Variants in KCNAB1 observed in about 807,000 individuals in gnomAD.
KCNAB1 encodes the protein potassium voltage-gated channel subfamily A regulatory beta subunit 1.
In KCNAB1, 35 loss-of-function variants were observed where a neutral mutation model predicts 64.6. The ratio of observed to expected loss-of-function variants is 0.54; its 90% CI spans 0.41 to 0.72. The LOEUF is 0.72. Ranked by LOEUF, KCNAB1 falls within the 30% of genes least tolerant of loss-of-function variation. KCNAB1 has a pLI of 0.00. For synonymous variants in KCNAB1, 177 were observed against 183.8 expected, an observed-to-expected ratio of 0.96 and a Z score of 0.30; for missense variants, 401 against 512.9, an observed-to-expected ratio of 0.78 and a Z score of 2.11.
intron 1 of KCNAB1, among the ~76,000 whole-genome samples, chr3:156,353,918 T>C (rs1045942756): frequency 2.2e-4 from 33 of 151,940 alleles, no homozygotes; most frequent in Admixed American, 2.0e-4. Flanking sequence ...AAAAATATCT[T>C]AAACAAATTG....
chr3:156,419,935 G>A (rs925207254), intron 1 of KCNAB1, among the ~76,000 whole-genome samples: 1 of 152,172 alleles, frequency 6.6e-6, no homozygotes, highest in Non-Finnish European at 1.5e-5. Flanking sequence ...AAAAGTCTTT[G>A]TACATCTATT....
intron 1 of KCNAB1, among the ~76,000 whole-genome samples, chr3:156,179,084 T>G (rs186937125): frequency 4.7e-4 from 71 of 152,042 alleles, no homozygotes; most frequent in Middle Eastern, 3.4e-3. Context: ...ACTCCAGTGA[T>G]TCTTTGAGAA....
At chr3:156,139,919 C>T (rs993455595) in intron 1 of KCNAB1, among the ~76,000 whole-genome samples, 2 of 152,104 alleles carry the variant, frequency 1.3e-5, no homozygotes, top group Non-Finnish European at 2.9e-5. Context: ...TACTCTGGAA[C>T]AGCATATTAT....
At chr3:156,334,506 T>C (rs1265698760) in intron 1 of KCNAB1, among the ~76,000 whole-genome samples, 2 of 152,168 alleles carry the variant, frequency 1.3e-5, no homozygotes, top group African/African-American at 4.8e-5. Flanking sequence ...TGTGATGAGT[T>C]GTTTTATCTC....
intron 1 of KCNAB1, chr3:156,175,733 C>T (rs1036329905): frequency 1.8e-6 from 1 of 547,428 alleles, no homozygotes; most frequent in Non-Finnish European, 3.5e-6. Context: ...AATATGGCCA[C>T]CACCTCCTCT....
chr3:156,281,585 C>T (rs542914354), intron 1 of KCNAB1, among the ~76,000 whole-genome samples: 92 of 152,240 alleles, frequency 6.0e-4, no homozygotes, highest in African/African-American at 2.1e-3. Flanking sequence ...GCTGTGAGTC[C>T]ATCTGGTCCT....
intron 1 of KCNAB1, among the ~76,000 whole-genome samples, chr3:156,201,608 C>T (rs1714334731): frequency 1.3e-5 from 2 of 152,220 alleles, no homozygotes; most frequent in African/African-American, 4.8e-5. Context: ...GCAGGGCTGG[C>T]AGGCTCCATG....
At chr3:156,275,704 A>G (rs1719299428) in intron 1 of KCNAB1, among the ~76,000 whole-genome samples, 1 of 152,202 alleles carries the variant, frequency 6.6e-6, no homozygotes, top group Admixed American at 6.5e-5. Context: ...TTGCTCATTC[A>G]TAAGAAACAA....
At chr3:156,161,782 G>A (rs1194416277) in intron 1 of KCNAB1, among the ~76,000 whole-genome samples, 1 of 152,124 alleles carries the variant, frequency 6.6e-6, no homozygotes, top group African/African-American at 2.4e-5. Flanking sequence ...TTAAGTATGT[G>A]AGCTCAGATG....
intron 1 of KCNAB1, among the ~76,000 whole-genome samples, chr3:156,222,978 C>CTAA (rs1715878132): frequency 6.6e-6 from 1 of 152,208 alleles, no homozygotes; most frequent in Non-Finnish European, 1.5e-5. Context: ...ATCAACAAGT[C>CTAA]TAAAAGAGCA....
In KCNAB1 at chr3:156,232,942, G is replaced by A. The variant is rs570465248; in HGVS notation, c.275+112056G>A. Among the ~76,000 whole-genome samples, 3 of 152,076 alleles carry A rather than the reference G, an allele frequency of 2.0e-5. No homozygotes were observed. In the East Asian group the frequency reaches 5.8e-4, roughly 29 times the overall value. On this transcript the variant is annotated intron_variant, in intron 1 of 13. Coordinates refer to ENST00000490337, the MANE Select transcript of KCNAB1 (RefSeq NM_172160.3). The stretch of plus-strand genomic sequence containing the variant: ...TTCTGAATTCCTTTCCTTGAGCTAA[G>A]AGGCCGTGTGGATTATGATACCTTG...
chr3:156,494,854 A>C (rs1188358871), intron 8 of KCNAB1, among the ~76,000 whole-genome samples: 2 of 152,090 alleles, frequency 1.3e-5, no homozygotes, highest in Non-Finnish European at 2.9e-5. Flanking sequence ...CAAGTTTGCC[A>C]ATTTTTTTCT....
intron 8 of KCNAB1, among the ~76,000 whole-genome samples, chr3:156,493,727 C>T (rs1217861487): frequency 6.6e-6 from 1 of 152,068 alleles, no homozygotes; most frequent in Non-Finnish European, 1.5e-5. Flanking sequence ...CAGGCTTTGT[C>T]TTTATAATTT....
At chr3:156,257,267 T>C (rs1402270986) in intron 1 of KCNAB1, among the ~76,000 whole-genome samples, 1 of 152,184 alleles carries the variant, frequency 6.6e-6, no homozygotes, top group Non-Finnish European at 1.5e-5. Context: ...CTCCAGACTT[T>C]AGTGAGACAA....
At chr3:156,510,389 A>G (rs1257902065) in intron 8 of KCNAB1, among the ~76,000 whole-genome samples, 2 of 151,720 alleles carry the variant, frequency 1.3e-5, no homozygotes, top group African/African-American at 4.8e-5. Flanking sequence ...TGTCCTTCTT[A>G]CCTCTAGGGG....
chr3:156,399,682 A>C (rs190821118), intron 1 of KCNAB1, among the ~76,000 whole-genome samples: 56 of 152,220 alleles, frequency 3.7e-4, no homozygotes, highest in African/African-American at 1.3e-3. Context: ...TACTGAACAC[A>C]CCCTTCTAAT....
chr3:156,137,697 TACC>T (rs1714442574), intron 1 of KCNAB1, among the ~76,000 whole-genome samples: 2 of 148,298 alleles, frequency 1.3e-5, no homozygotes, highest in Admixed American at 1.4e-4. Context: ...AGGCACCCGC[TACC>T]ACGTCTGGCT....
Position 156,374,848 on chromosome 3 carries a change from T to A in KCNAB1, c.276-46768T>A, listed in dbSNP as rs772001768. Among the ~76,000 whole-genome samples the A allele has an allele frequency of 3.7e-5, 5 of 135,934 alleles. 2 individuals are homozygous for A. The highest frequency in any genetic ancestry group is 6.6e-5 in the African/African-American group (2 of 30,500). The allele number at this position is 135,934 out of a possible 152,430, so 89.2% of individuals were successfully genotyped here. A position where few individuals can be genotyped will look rare whatever the true frequency, so the allele number is the denominator to read the frequency against. ...ATAAGTTGTTGTAAAGGTTAGATTT[T>A]AAAAAAATACAGATTAAGTGCCTAG... On this transcript the variant is annotated intron_variant, in intron 1 of 13. Coordinates refer to ENST00000490337, the MANE Select transcript of KCNAB1 (RefSeq NM_172160.3).
At chr3:156,403,809 G>A (rs1220688767) in intron 1 of KCNAB1, among the ~76,000 whole-genome samples, 5 of 151,970 alleles carry the variant, frequency 3.3e-5, no homozygotes, top group South Asian at 2.1e-4. Flanking sequence ...CAGGAGAATC[G>A]CTTGAACCCT....
Sources: gnomAD v4.1 joint callset for allele counts (sites outside exome capture counted in the v4.1 genomes callset) on GRCh38, gnomAD v4.1.1 for gene constraint, MANE v1.5 for transcripts, NCBI Gene and HGNC (gene_info 2026-07-23, HGNC 2026-07-21) for gene names.